Variants in SNRPN observed in about 807,000 individuals in gnomAD.
SNRPN encodes the protein small nuclear ribonucleoprotein polypeptide N.
Under a neutral mutation model 25.2 loss-of-function variants are expected in SNRPN, and 7 were observed. The ratio of observed to expected loss-of-function variants is 0.28; its 90% CI spans 0.16 to 0.52. The LOEUF is 0.52. Among genes scored for constraint, SNRPN ranks in the 20% least tolerant of loss-of-function variants. The probability of loss-of-function intolerance (pLI) is 0.96; values close to 1 mark genes in which losing one functional copy is unlikely to be tolerated. For missense variants in SNRPN, 196 were observed against 322.5 expected (o/e 0.61, Z 3.00); for synonymous variants, 124 against 110.6 (o/e 1.12, Z -0.76).
chr15:24,862,957 C>G (rs1045213796), intron 1 of SNRPN, among the ~76,000 whole-genome samples: 1 of 150,908 alleles, frequency 6.6e-6, no homozygotes, highest in African/African-American at 2.5e-5. Context: ...AGGGCCTGAG[C>G]AGGGGAGGGA....
At chr15:24,891,707 G>A (rs2057694500) in intron 2 of SNRPN, among the ~76,000 whole-genome samples, 1 of 151,906 alleles carries the variant, frequency 6.6e-6, no homozygotes, top group African/African-American at 2.4e-5. Context: ...CAAAGTGTTG[G>A]GATTACAGGG....
At chr15:24,973,246 T>C (rs2076660906) in intron 3 of SNRPN, among the ~76,000 whole-genome samples, 1 of 152,108 alleles carries the variant, frequency 6.6e-6, no homozygotes, top group South Asian at 2.1e-4. Flanking sequence ...AGTAACATGA[T>C]ATACAGGTTT....
At chr15:24,975,593 G>A in intron 5 of SNRPN, 84 bp downstream of exon 5, 1 of 1,124,062 alleles carries the variant, frequency 8.9e-7, no homozygotes, top group Non-Finnish European at 1.3e-6. Context: ...ATTTCCGAGG[G>A]TAACTGAAGT....
intron 2 of SNRPN, among the ~76,000 whole-genome samples, chr15:24,842,119 G>A (rs2051759266): frequency 6.6e-6 from 1 of 152,080 alleles, no homozygotes; most frequent in Non-Finnish European, 1.5e-5. Context: ...GCTGAGTACT[G>A]GGTGGTATTG....
In SNRPN at chr15:24,867,226, A is replaced by G. The variant is rs529048830; in HGVS notation, c.-579+10510A>G. Among the ~76,000 whole-genome samples the G allele has an allele frequency of 5.3e-5, 8 of 152,230 alleles. 1 individual carries two copies. In the South Asian group the frequency reaches 1.7e-3, roughly 32 times the overall value. Reference sequence around the variant, plus strand: ...CTATACTTTTTTCGATAATGGCTGTACCGATTAACATTCTCATCAACAGTG... The same window carrying G: ...CTATACTTTTTTCGATAATGGCTGTGCCGATTAACATTCTCATCAACAGTG... On this transcript the variant is annotated intron_variant, in intron 1 of 11. Coordinates refer to the SNRPN transcript ENST00000400097.
chr15:24,922,956 A>G (rs1325010919), intron 3 of SNRPN, among the ~76,000 whole-genome samples: 1 of 113,812 alleles, frequency 8.8e-6, no homozygotes, highest in Non-Finnish European at 1.6e-5. Context: ...AGCTGGATGG[A>G]GTGCAGTGGC....
intron 2 of SNRPN, among the ~76,000 whole-genome samples, chr15:24,914,314 G>A (rs1489145726): frequency 1.3e-5 from 2 of 152,104 alleles, no homozygotes; most frequent in South Asian, 2.1e-4. Context: ...ACCCTACAAA[G>A]AGCCAGGAAA....
At chr15:24,852,001 G>A (rs768096907), upstream of SNRPN, 2 of 152,144 alleles carry the variant, frequency 1.3e-5, no homozygotes, top group Non-Finnish European at 2.9e-5. Context: ...CATAGAAAAA[G>A]TTACTTACAT....
At chr15:24,893,300 A>C (rs1403227670) in intron 2 of SNRPN, among the ~76,000 whole-genome samples, 1 of 151,552 alleles carries the variant, frequency 6.6e-6, no homozygotes, top group Non-Finnish European at 1.5e-5. Context: ...CATTAGGCCA[A>C]CTATTGATCA....
chr15:24,934,757 A>G (rs965244134), intron 3 of SNRPN, among the ~76,000 whole-genome samples: 3 of 152,082 alleles, frequency 2.0e-5, no homozygotes, highest in African/African-American at 7.2e-5. Flanking sequence ...GGGTTTCACC[A>G]TATTTCCCAG....
At chr15:24,852,592 C>G (rs1366617288), upstream of SNRPN, among the ~76,000 whole-genome samples, 2 of 152,072 alleles carry the variant, frequency 1.3e-5, no homozygotes, top group African/African-American at 2.4e-5. Context: ...AATTAGAAAA[C>G]AAGAAAAACA....
At chr15:24,916,658 A>T (rs980232320) in intron 2 of SNRPN, among the ~76,000 whole-genome samples, 1 of 152,222 alleles carries the variant, frequency 6.6e-6, no homozygotes, top group African/African-American at 2.4e-5. Flanking sequence ...GGTAGATCAT[A>T]TAATGGTAAC....
chr15:24,925,772 C>A (rs915751776), intron 3 of SNRPN, among the ~76,000 whole-genome samples: 1 of 151,184 alleles, frequency 6.6e-6, no homozygotes, highest in East Asian at 2.0e-4. Context: ...GACAGAGTCT[C>A]GCACTCTTGC....
intron 3 of SNRPN, among the ~76,000 whole-genome samples, chr15:24,921,853 C>T (rs1176247632): frequency 1.3e-5 from 2 of 152,018 alleles, no homozygotes; most frequent in African/African-American, 2.4e-5. Flanking sequence ...TATTCTGTAT[C>T]AGCCACTGTT....
intron 2 of SNRPN, chr15:24,909,886 G>T: frequency 1.5e-6 from 1 of 689,156 alleles, no homozygotes; most frequent in Non-Finnish European, 2.5e-6. Flanking sequence ...AGCGGCGCTG[G>T]GGCAGGGAGA....
chr15:24,838,496 A>G (rs1211791561), intron 2 of SNRPN, among the ~76,000 whole-genome samples: 1 of 152,098 alleles, frequency 6.6e-6, no homozygotes, highest in Non-Finnish European at 1.5e-5. Flanking sequence ...CAAAGGCTTT[A>G]GGCTTCCTGG....
intron 2 of SNRPN, among the ~76,000 whole-genome samples, chr15:24,908,149 A>G (rs2058973326): frequency 6.6e-6 from 1 of 151,936 alleles, no homozygotes; most frequent in Admixed American, 6.6e-5. Flanking sequence ...TGATGGCGTA[A>G]TTGGACTTCC....
At chr15:24,977,641 A>G in intron 7 of SNRPN, 137 bp from the exon 8 acceptor site, 2 of 889,726 alleles carry the variant, frequency 2.2e-6, no homozygotes, top group African/African-American at 3.5e-5. Context: ...TGTCTCAAAA[A>G]AAAACATGGG....
At chr15:24,838,914 G>A (rs2051446748) in intron 2 of SNRPN, among the ~76,000 whole-genome samples, 1 of 151,968 alleles carries the variant, frequency 6.6e-6, no homozygotes, top group Non-Finnish European at 1.5e-5. Context: ...ATTAGAGTTA[G>A]GGGGCCCTTT....
Sources: allele counts gnomAD v4.1 joint callset (sites outside exome capture counted in the v4.1 genomes callset), GRCh38; gene constraint gnomAD v4.1.1; transcripts MANE v1.5; gene names NCBI Gene and HGNC (gene_info 2026-07-23, HGNC 2026-07-21).